FNDC1: variants seen among roughly 807,000 people sequenced by gnomAD.
The protein encoded by FNDC1 is fibronectin type III domain-containing protein 1.
Under a neutral mutation model 168.0 loss-of-function variants are expected in FNDC1, and 96 were observed. The observed-to-expected ratio is 0.57, with a 90% CI of 0.48 to 0.68. The LOEUF is 0.68. Ranked by LOEUF, FNDC1 falls within the 30% of genes least tolerant of loss-of-function variation. The pLI is 0.00. For missense variants in FNDC1, 2,587 were observed against 2,482.1 expected (o/e 1.04, Z -0.90); for synonymous variants, 1,099 against 1,025.9 (o/e 1.07, Z -1.36).
Position 159,180,884 on chromosome 6 carries a change from A to G in FNDC1, c.109+11179A>G, listed in dbSNP as rs781602948. On this transcript the variant is annotated intron_variant, in intron 1 of 22. Transcript: ENST00000297267. ...CATTTTAAAATCCAGTCTATCACTG[A>G]TGTGATAGACTGGGTTGATTTCATG... Among the ~76,000 whole-genome samples, 13 of 152,210 alleles carry G rather than the reference A, an allele frequency of 8.5e-5. No homozygotes were observed. The South Asian group carries it at 2.7e-3, about 32-fold the overall frequency.
chr6:159,203,021 CT>C (rs1255936543), intron 4 of FNDC1, among the ~76,000 whole-genome samples: 1 of 152,186 alleles, frequency 6.6e-6, no homozygotes, highest in Non-Finnish European at 1.5e-5. Flanking sequence ...AGATGGTCAC[CT>C]TTTTGCTGTG....
chr6:159,216,315 A>G (rs1378631468), intron 5 of FNDC1, among the ~76,000 whole-genome samples: 1 of 152,148 alleles, frequency 6.6e-6, no homozygotes, highest in Non-Finnish European at 1.5e-5. Flanking sequence ...TAACCATCAC[A>G]CAGGCCATCC....
At chr6:159,212,635 C>T (rs185624576) in intron 4 of FNDC1, among the ~76,000 whole-genome samples, 60 of 152,262 alleles carry the variant, frequency 3.9e-4, no homozygotes, top group African/African-American at 8.9e-4. Flanking sequence ...ACCGAGACAG[C>T]GAGCTCCATG....
intron 4 of FNDC1, among the ~76,000 whole-genome samples, chr6:159,202,332 G>A (rs987553764): frequency 3.3e-5 from 5 of 152,208 alleles, no homozygotes; most frequent in Non-Finnish European, 4.4e-5. Flanking sequence ...AATAATTTAT[G>A]TGAAGTTATC....
intron 21 of FNDC1, among the ~76,000 whole-genome samples, chr6:159,266,680 G>GT (rs10616860): frequency 0.012 from 1,763 of 143,982 alleles, 29 homozygotes; most frequent in African/African-American, 0.037. Context: ...GAAATCTAGG[G>GT]TTTTTTTTTT....
At chr6:159,225,200 G>C (rs391046) in intron 7 of FNDC1, among the ~76,000 whole-genome samples, 35,630 of 121,266 alleles carry the variant, frequency 0.29, 6,977 homozygotes, top group African/African-American at 0.6. Context: ...CACACGCACA[G>C]TCACACACAC....
rs117989424 is a variant in FNDC1 at position 159,244,897 on chromosome 6, A to G, written c.4622-2004A>G. Among the ~76,000 whole-genome samples, 274 of 152,302 alleles carry G rather than the reference A, an allele frequency of 1.8e-3. 9 individuals carry two copies. In the East Asian group the frequency reaches 0.046, roughly 26 times the overall value. On this transcript the variant is annotated intron_variant, in intron 14 of 22. Transcript: ENST00000297267. Reference sequence around the variant, plus strand: ...ATTAGTCCGTTTTCATACTGCTATAAAGATACTACCTGAGACTGGATAATT... The same window carrying G: ...ATTAGTCCGTTTTCATACTGCTATAGAGATACTACCTGAGACTGGATAATT...
At chr6:159,261,832 T>C (rs1356056210) in intron 19 of FNDC1, among the ~76,000 whole-genome samples, 1 of 152,208 alleles carries the variant, frequency 6.6e-6, no homozygotes, top group Non-Finnish European at 1.5e-5. Flanking sequence ...TCAGGGGTGG[T>C]GGCTCATGCC....
In FNDC1 at chr6:159,198,773, A is replaced by G. The variant is rs79498360; in HGVS notation, c.304+1148A>G. Among the ~76,000 whole-genome samples, 1,346 of 152,372 alleles carry G rather than the reference A, an allele frequency of 8.8e-3. 20 individuals are homozygous for G. The highest frequency in any genetic ancestry group is 0.031 in the African/African-American group (1,285 of 41,586). On this transcript the variant is annotated intron_variant, in intron 2 of 22. Coordinates refer to ENST00000297267, the MANE Select transcript of FNDC1 (RefSeq NM_032532.3). ...AGTTAACTGTATGGGTATCAAACAC[A>G]TGTGGATTAAATTTCTTTGAAATAC...
rs1474573177 is a variant in FNDC1, at chr6:159,221,694, C to T, written c.764C>T (p.Ser255Leu). The change falls in exon 6 of 23, where the codon TCA becomes TTA. Residue 255 changes from serine to leucine, a missense_variant and splice_region_variant. Transcript: ENST00000297267. ...YRAALTKRKISEEDELDVPDD... is the reference protein window; with the variant it reads ...YRAALTKRKILEEDELDVPDD... ...GCTGCCCTAACAAAGCGAAAGATTTCAGGTATGTTTCTAAGGATGCATTTG... is the reference window on the plus strand; with the variant it reads ...GCTGCCCTAACAAAGCGAAAGATTTTAGGTATGTTTCTAAGGATGCATTTG... The T allele has an allele frequency of 6.2e-7, 1 of 1,612,722 alleles. No individual in the cohort carries two copies. Among genetic ancestry groups the T allele is most frequent in the Admixed American group, 1.7e-5 (1 of 60,022 alleles).
chr6:159,230,034 C>G, intron 10 of FNDC1, 31 bp downstream of exon 10: 4 of 1,576,910 alleles, frequency 2.5e-6, no homozygotes, highest in Non-Finnish European at 3.5e-6. Flanking sequence ...GCTGTCTTCT[C>G]TCTCTCTTCA....
At chr6:159,227,721 G>A (rs1376140877) in intron 9 of FNDC1, among the ~76,000 whole-genome samples, 1 of 151,300 alleles carries the variant, frequency 6.6e-6, no homozygotes, top group African/African-American at 2.4e-5. Flanking sequence ...TAAATCAGGG[G>A]TGTACAATCT....
In FNDC1 at chr6:159,233,923, G is replaced by T; in HGVS notation, c.3411G>T (p.Arg1137Ser). 6.4e-7 allele frequency: 1 copy of T among 1,550,558 alleles called. No homozygotes were observed. The highest frequency in any genetic ancestry group is 8.7e-7 in the Non-Finnish European group (1 of 1,146,944). ...SQRGHAASPA[R>S]PSRPGGPQSR... Reference sequence around the variant, plus strand: ...GCGGACATGCGGCCTCCCCCGCCAGGCCCAGCCGACCCGGCGGCCCCCAGT... The same window carrying T: ...GCGGACATGCGGCCTCCCCCGCCAGTCCCAGCCGACCCGGCGGCCCCCAGT... The change falls in exon 11 of 23, where the codon AGG (arginine) becomes AGT (serine). Residue 1137 changes from arginine (R) to serine (S), a missense_variant. Transcript: ENST00000297267. The surrounding 1 kb of genome is among the most constrained non-coding windows in gnomAD (Gnocchi z 4.6).
intron 17 of FNDC1, among the ~76,000 whole-genome samples, chr6:159,253,691 C>A (rs1777318151): frequency 6.6e-6 from 1 of 152,220 alleles, no homozygotes; most frequent in Admixed American, 6.5e-5. Context: ...ACCAGCTCAT[C>A]AGTCACTTTC....
rs577393296 is a variant in FNDC1 at position 159,238,598 on chromosome 6, G to A, written c.4113G>A (p.Arg1371=). Residue 1371 remains arginine (R), a synonymous_variant, in exon 13 of 23, where the codon AGG becomes AGA. Transcript: ENST00000297267. ...GGTTAGTATTGAATGCAGAAGGAAG[G>A]TACCTCCAAGATTCACATGGAAATC... ...DRGLVLNAEG[R]YLQDSHGNPL... The A allele has an allele frequency of 6.2e-7, 1 of 1,612,106 alleles. No homozygotes were observed. The highest frequency in any genetic ancestry group is 1.3e-5 in the African/African-American group (1 of 75,028).
chr6:159,269,019 C>A (rs1777653711), intron 22 of FNDC1, among the ~76,000 whole-genome samples: 1 of 151,556 alleles, frequency 6.6e-6, no homozygotes, highest in African/African-American at 2.4e-5. Context: ...TCCATCCATC[C>A]ATCCATCCAT....
intron 5 of FNDC1, chr6:159,218,233 A>G (rs1481506379): frequency 2.7e-4 from 41 of 152,190 alleles, no homozygotes; most frequent in Admixed American, 2.7e-3. Flanking sequence ...ACCGGAACAT[A>G]GTGGAAGGAT....
chr6:159,227,435 A>T (rs1340378592), intron 9 of FNDC1, among the ~76,000 whole-genome samples: 1 of 152,194 alleles, frequency 6.6e-6, no homozygotes, highest in African/African-American at 2.4e-5. Flanking sequence ...AAATCCAGAA[A>T]ATTACTACTA....
chr6:159,264,865 C>A, intron 19 of FNDC1, 110 bp from the exon 20 acceptor site: 1 of 852,922 alleles, frequency 1.2e-6, no homozygotes, highest in Admixed American at 3.2e-5. Context: ...CAAACCTTAT[C>A]TTTTTCTTTA....
Sources: gnomAD v4.1 joint callset for allele counts (sites outside exome capture counted in the v4.1 genomes callset) on GRCh38, gnomAD v4.1.1 for gene constraint, Gnocchi (gnomAD v3.1) non-coding constraint, MANE v1.5 for transcripts, NCBI Gene and HGNC (gene_info 2026-07-23, HGNC 2026-07-21) for gene names.